The following BOC variants were observed in gnomAD, a reference collection of about 807,000 sequenced individuals.
BOC encodes the protein brother of CDO.
BOC carries 76 observed loss-of-function variants against 112.0 expected under a neutral mutation model. That is an observed-to-expected ratio of 0.68 (90% CI 0.56 to 0.82). BOC has a LOEUF of 0.82. BOC is among the 40% of genes least tolerant of loss of function. BOC has a pLI of 0.00. For synonymous variants in BOC, 580 were observed against 599.8 expected (o/e 0.97, Z 0.48); for missense variants, 1,309 against 1,511.7 (o/e 0.87, Z 2.22).
rs564686435 is a variant in BOC at position 113,224,164 on chromosome 3, A to C, written c.-82+7890A>C. ...AGCGCTCTTGCACGCCTACATCCAC[A>C]TCCGGTGGTGGTGGCAGGCCACAGA... On this transcript the variant is annotated intron_variant, in intron 2 of 19. Transcript: ENST00000682979. Among the ~76,000 whole-genome samples the C allele has an allele frequency of 1.6e-4, 25 of 152,298 alleles. No homozygotes were observed. In the East Asian group the frequency reaches 3.3e-3, roughly 20 times the overall value.
At chr3:113,259,778 G>A (rs1233276271) in intron 4 of BOC, among the ~76,000 whole-genome samples, 1 of 152,168 alleles carries the variant, frequency 6.6e-6, no homozygotes, top group East Asian at 1.9e-4. Context: ...AGTAGAAACA[G>A]CATTTATTTT....
At chr3:113,245,804 A>C (rs1273016679) in intron 2 of BOC, among the ~76,000 whole-genome samples, 2 of 152,316 alleles carry the variant, frequency 1.3e-5, no homozygotes, top group East Asian at 1.9e-4. Flanking sequence ...TCTCCTATTC[A>C]GCTCACCTTT....
chr3:113,228,428 G>T (rs1034995048), intron 2 of BOC, among the ~76,000 whole-genome samples: 1 of 152,114 alleles, frequency 6.6e-6, no homozygotes, highest in African/African-American at 2.4e-5. Flanking sequence ...GGGCAGAACT[G>T]CTCTCTGTGC....
chr3:113,279,911 G>A lies in BOC; in HGVS notation c.2111G>A (p.Gly704Asp), dbSNP rs1949033599. 2.5e-6 allele frequency: 4 copies of A among 1,613,938 alleles called. No homozygotes were observed. The highest frequency in any genetic ancestry group is 3.4e-6 in the Non-Finnish European group (4 of 1,180,010). Residue 704 changes from glycine to aspartate, a missense_variant, in exon 13 of 20, where the codon GGC becomes GAC. By Grantham distance (94) the Gly-to-Asp change is moderately conservative. Coordinates refer to ENST00000682979, the MANE Select transcript of BOC (RefSeq NM_001378074.1). ...CCCTCTCGGCCCTACGTGGTGTCGGGCTACAGCGGTCGCGTGTACGAGAGG... is the reference window on the plus strand; with the variant it reads ...CCCTCTCGGCCCTACGTGGTGTCGGACTACAGCGGTCGCGTGTACGAGAGG... ...SAPSRPYVVS[G>D]YSGRVYERPV...
rs1944240280 is a variant in BOC, at chr3:113,241,167, T to C, written c.-81-8555T>C. 1.3e-5 allele frequency among the ~76,000 whole-genome samples: 2 copies of C among 152,356 alleles called. 1 individual carries two copies. Among genetic ancestry groups the C allele is most frequent in the South Asian group, 4.1e-4 (2 of 4,826 alleles). ...CCAGGAAGGTAGATGTCACTGGCCT[T>C]AATGACCTTGTATTGACTGGGATTG... On this transcript the variant is annotated intron_variant, in intron 2 of 19. Coordinates refer to ENST00000682979, the MANE Select transcript of BOC (RefSeq NM_001378074.1).
chr3:113,229,496 C>T (rs1020194509), intron 2 of BOC, among the ~76,000 whole-genome samples: 1 of 152,210 alleles, frequency 6.6e-6, no homozygotes, highest in African/African-American at 2.4e-5. Context: ...CACTATGGCT[C>T]AGGGACCTGT....
In BOC at chr3:113,274,741, CAG is replaced by C. The variant is rs1365466865; in HGVS notation, c.1542+62_1542+63del. 2.0e-6 allele frequency: 3 copies of C among 1,503,824 alleles called. No homozygotes were observed. Among genetic ancestry groups the C allele is most frequent in the East Asian group, 4.6e-5 (2 of 43,144 alleles). 93.2% of individuals were successfully genotyped at this position (1,503,824 alleles called of 1,614,324 possible). A position where few individuals can be genotyped will look rare whatever the true frequency, so the allele number is the denominator to read the frequency against. ...GCACAGCCTTTCCAGCAAGGCTGAG[CAG>C]AGTCACTGTCTCTTGGCCATCTCCC... On this transcript the variant is annotated intron_variant, in intron 9 of 19. Coordinates refer to ENST00000682979, the MANE Select transcript of BOC (RefSeq NM_001378074.1). The surrounding 1 kb of genome is among the most constrained non-coding windows in gnomAD (Gnocchi z 4.8).
In BOC at chr3:113,274,326, G is replaced by C; in HGVS notation, c.1235-49G>C. 1 of 1,467,956 alleles carries C rather than the reference G, an allele frequency of 6.8e-7. No individual in the cohort carries two copies. Among genetic ancestry groups the C allele is most frequent in the Non-Finnish European group, 9.0e-7 (1 of 1,108,982 alleles). The allele number at this position is 1,467,956 out of a possible 1,614,324, so 90.9% of individuals were successfully genotyped here. A position where few individuals can be genotyped will look rare whatever the true frequency, so the allele number is the denominator to read the frequency against. On this transcript the variant is annotated intron_variant, in intron 8 of 19. Transcript: ENST00000682979. The surrounding 1 kb of genome is among the most constrained non-coding windows in gnomAD (Gnocchi z 4.8). ...TCTCCCCAGGAACAACAGCTCAGCA[G>C]GTAAACCAGGAGACTAACCTTTCCT...
chr3:113,274,535 G>C lies in BOC; in HGVS notation c.1395G>C (p.Glu465Asp), dbSNP rs557600215. 9.8e-5 allele frequency: 158 copies of C among 1,613,464 alleles called. 2 individuals carry two copies. The South Asian group carries it at 1.7e-3, about 17-fold the overall frequency. The change falls in exon 9 of 20, where the codon GAG (glutamate) becomes GAC (aspartate). Residue 465 changes from glutamate (E) to aspartate (D), a missense_variant. By Grantham distance (45) the Glu-to-Asp change is conservative. Coordinates refer to ENST00000682979, the MANE Select transcript of BOC (RefSeq NM_001378074.1). The surrounding 1 kb of genome is among the most constrained non-coding windows in gnomAD (Gnocchi z 4.8). ...VGPASPQCPG[E>D]KGQGAPAEAP... ...CTGCTTCCCCGCAGTGTCCAGGAGA[G>C]AAGGGGCAGGGGGCTCCCGCCGAGG... is the stretch of plus-strand genomic sequence containing the variant.
intron 17 of BOC, 76 bp from the exon 18 acceptor site, chr3:113,284,706 C>T: frequency 1.3e-6 from 2 of 1,525,726 alleles, no homozygotes; most frequent in Non-Finnish European, 1.8e-6. Context: ...AGCAGATGCT[C>T]CTGTTGTTGA....
intron 2 of BOC, 123 bp from the exon 3 acceptor site, chr3:113,249,599 C>G (rs563269888): frequency 2.0e-6 from 1 of 494,732 alleles, no homozygotes; most frequent in Non-Finnish European, 3.5e-6. Flanking sequence ...GCAGCATGAC[C>G]GGGTCTCTAG....
intron 2 of BOC, among the ~76,000 whole-genome samples, chr3:113,222,892 T>C (rs1296986177): frequency 1.7e-4 from 26 of 152,176 alleles, no homozygotes; most frequent in Admixed American, 1.3e-3. Flanking sequence ...TTTAAAACAG[T>C]TTAGTTCCCC....
At chr3:113,228,656 G>T (rs1942078412) in intron 2 of BOC, among the ~76,000 whole-genome samples, 1 of 152,188 alleles carries the variant, frequency 6.6e-6, no homozygotes, top group Non-Finnish European at 1.5e-5. Context: ...AAATGTTGGG[G>T]GAGTGGGGTC....
At chr3:113,279,480 C>T in intron 12 of BOC, 25 bp downstream of exon 12, 1 of 1,605,728 alleles carries the variant, frequency 6.2e-7, no homozygotes, top group Non-Finnish European at 8.5e-7. Flanking sequence ...ACACCGTGGC[C>T]TTGGCCTGAT....
intron 2 of BOC, among the ~76,000 whole-genome samples, chr3:113,219,930 G>A (rs886457132): frequency 2.0e-5 from 3 of 152,102 alleles, no homozygotes; most frequent in African/African-American, 7.2e-5. Context: ...GTCTGAATTG[G>A]CTGTCCTGAG....
At chr3:113,224,246 T>C (rs562619880) in intron 2 of BOC, among the ~76,000 whole-genome samples, 1 of 152,270 alleles carries the variant, frequency 6.6e-6, no homozygotes, top group South Asian at 2.1e-4. Context: ...GTGGTGTCTG[T>C]GTTGAGCCCT....
chr3:113,279,802 C>T (rs759866890), intron 12 of BOC, 22 bp from the exon 13 acceptor site: 19 of 1,585,202 alleles, frequency 1.2e-5, no homozygotes, highest in East Asian at 2.3e-5. Flanking sequence ...CTCCTGAGTT[C>T]AGTGAGTGTC....
chr3:113,255,599 A>C (rs1328634407), intron 4 of BOC, among the ~76,000 whole-genome samples: 4 of 152,344 alleles, frequency 2.6e-5, no homozygotes, highest in Middle Eastern at 3.4e-3. Flanking sequence ...TGGGAATTTT[A>C]GTCCTCAAGT....
intron 1 of BOC, 23 bp from the exon 2 acceptor site, chr3:113,216,164 G>A: frequency 2.2e-6 from 1 of 449,964 alleles, no homozygotes; most frequent in Non-Finnish European, 4.5e-6. Context: ...TTCAAAAGAT[G>A]AGATAATTCT....
Sources: allele counts gnomAD v4.1 joint callset (sites outside exome capture counted in the v4.1 genomes callset), GRCh38; gene constraint gnomAD v4.1.1; non-coding constraint Gnocchi (gnomAD v3.1); transcripts MANE v1.5; gene names NCBI Gene and HGNC (gene_info 2026-07-23, HGNC 2026-07-21).